Variants in NKX6-3 observed in about 807,000 individuals in gnomAD.
NKX6-3 encodes the protein NK6 homeobox 3, also known as homeobox protein Nkx-6.3.
In NKX6-3, 17 loss-of-function variants were observed where a neutral mutation model predicts 22.0. That is an observed-to-expected ratio of 0.77 (90% CI 0.53 to 1.16). The LOEUF (loss-of-function observed/expected upper bound fraction) is 1.16, where lower values mean the gene tolerates loss of function less well. Ranked by LOEUF, NKX6-3 falls within the 50% of genes most tolerant of loss-of-function variation. The pLI, the probability that NKX6-3 is intolerant of heterozygous loss-of-function variation, is 0.00. For missense variants in NKX6-3, 363 were observed against 359.0 expected (o/e 1.01, Z -0.09); for synonymous variants, 177 against 167.2 (o/e 1.06, Z -0.45).
intron 1 of NKX6-3, among the ~76,000 whole-genome samples, chr8:41,649,765 C>CCTGGGCTGCAGAAGCCAG (rs1238226803): frequency 6.6e-6 from 1 of 152,138 alleles, no homozygotes; most frequent in Non-Finnish European, 1.5e-5. Flanking sequence ...TTGCATGGGC[C>CCTGGGCTGCAGAAGCCAG]CTGGGCTGCA....
rs924431377 is a variant in NKX6-3, at chr8:41,648,333, C to G, written c.383-98G>C. On this transcript the variant is annotated intron_variant, in intron 1 of 2. Transcript: ENST00000518699. ...AACCACCATGCCTGCCCCTCTCCCT[C>G]CTGCAGAGGTTTCCAGGACACCAAG... 1.7e-5 allele frequency: 18 copies of G among 1,035,902 alleles called. 1 individual carries two copies. The highest frequency in any genetic ancestry group is 2.2e-5 in the Non-Finnish European group (16 of 726,430). 64.2% of individuals were successfully genotyped at this position (1,035,902 alleles called of 1,614,324 possible). A position where few individuals can be genotyped will look rare whatever the true frequency, so the allele number is the denominator to read the frequency against.
At position 41,650,231 on chromosome 8, in the gene NKX6-3, C is replaced by G. The variant is rs969277708; in HGVS notation, c.262G>C (p.Val88Leu). 51 of 1,533,340 alleles carry G rather than the reference C, an allele frequency of 3.3e-5. No individual in the cohort carries two copies. Among genetic ancestry groups the G allele is most frequent in the Non-Finnish European group, 6.1e-6 (7 of 1,145,676 alleles). 95.0% of individuals were successfully genotyped at this position (1,533,340 alleles called of 1,614,324 possible). ...TTCCCTACCTGGGGGCTGTAGTAGA[C>G]CCCCTGCGAGCTGAGCCCCCCAAAG... ...AGFGGLSSQG[V>L]YYSPQVGNFS... The change falls in exon 1 of 3, where the codon GTC becomes CTC. Residue 88 changes from valine (V) to leucine (L), a missense_variant. By Grantham distance (32) the Val-to-Leu change is conservative. Transcript: ENST00000518699.
At chr8:41,647,944 A>G (rs929664850) in intron 2 of NKX6-3, 122 bp downstream of exon 2, 3 of 854,574 alleles carry the variant, frequency 3.5e-6, no homozygotes, top group Non-Finnish European at 3.5e-6. Flanking sequence ...GGCAGTGCCC[A>G]GACACCAGGA....
At chr8:41,647,387 C>T (rs1242206181) in intron 2 of NKX6-3, 1 of 1,528,080 alleles carries the variant, frequency 6.5e-7, no homozygotes, top group South Asian at 1.2e-5. Context: ...ACTGAGCCAG[C>T]ATCAAAGTGG....
In NKX6-3 at chr8:41,650,408, A is replaced by C. The variant is rs1337270808; in HGVS notation, c.85T>G (p.Tyr29Asp). 1 of 1,535,590 alleles carries C rather than the reference A, an allele frequency of 6.5e-7. No individual in the cohort carries two copies. Among genetic ancestry groups the C allele is most frequent in the Non-Finnish European group, 8.7e-7 (1 of 1,146,740 alleles). The change falls in exon 1 of 3, where the codon TAC (tyrosine) becomes GAC (aspartate). Residue 29 changes from tyrosine to aspartate, a missense_variant. Tyr to Asp is a radical substitution (Grantham distance 160). Coordinates refer to ENST00000518699, the MANE Select transcript of NKX6-3 (RefSeq NM_001364841.2). ...FPEMKAPVCQ[Y>D]SVQNSFYKLS... is the part of the protein sequence containing the mutation. ...TTGTAGAAGGAGTTCTGCACAGAGT[A>C]CTGGCACACCGGGGCCTTCATCTCC...
Position 41,646,428 on chromosome 8 carries a change from C to T in NKX6-3, c.*21G>A, listed in dbSNP as rs2150518849. Reference sequence around the variant, plus strand: ...TCCCCCCGCAGGCTGCAGCCAGGATCCCGGGCCTGGACGGCGGGCGTCAGA... The same window carrying T: ...TCCCCCCGCAGGCTGCAGCCAGGATTCCGGGCCTGGACGGCGGGCGTCAGA... On this transcript the variant is annotated 3_prime_UTR_variant, in exon 3 of 3. Transcript: ENST00000518699. 6.3e-7 allele frequency: 1 copy of T among 1,576,720 alleles called. No homozygotes were observed.
Position 41,645,285 on chromosome 8 carries a change from C to G in NKX6-3, c.*1164G>C, listed in dbSNP as rs1000170234. 1 of 152,172 alleles carries G rather than the reference C, an allele frequency of 6.6e-6. No individual in the cohort carries two copies. Among genetic ancestry groups the G allele is most frequent in the East Asian group, 1.9e-4 (1 of 5,188 alleles). 9.4% of individuals were successfully genotyped at this position (152,172 alleles called of 1,614,324 possible). A position where few individuals can be genotyped will look rare whatever the true frequency, so the allele number is the denominator to read the frequency against. On this transcript the variant is annotated 3_prime_UTR_variant, in exon 3 of 3. Coordinates refer to ENST00000518699, the MANE Select transcript of NKX6-3 (RefSeq NM_001364841.2). ...CATTCCTATCTAAGACCAGCCCTCACCCGCCTCCCCCAGCCCACCCCCTAC... is the reference window on the plus strand; with the variant it reads ...CATTCCTATCTAAGACCAGCCCTCAGCCGCCTCCCCCAGCCCACCCCCTAC...
intron 2 of NKX6-3, chr8:41,647,089 G>T: frequency 7.7e-7 from 1 of 1,292,532 alleles, no homozygotes; most frequent in Non-Finnish European, 1.1e-6. Context: ...CCTACTCTGG[G>T]CTTCATAGAC....
Position 41,650,307 on chromosome 8 carries a change from G to A in NKX6-3, c.186C>T (p.Pro62=), listed in dbSNP as rs1045010056. ...PHGITDILSR[P]VAAPNNSLLS... The stretch of plus-strand genomic sequence containing the variant: ...GGAGGCTGTTGTTCGGCGCAGCCAC[G>A]GGCCTGCTCAGGATGTCCGTGATCC... Residue 62 remains proline, a synonymous_variant, in exon 1 of 3, where the codon CCC becomes CCT. Coordinates refer to ENST00000518699, the MANE Select transcript of NKX6-3 (RefSeq NM_001364841.2). 8 of 1,534,794 alleles carry A rather than the reference G, an allele frequency of 5.2e-6. No individual in the cohort carries two copies. Among genetic ancestry groups the A allele is most frequent in the Admixed American group, 2.0e-5 (1 of 50,800 alleles).
chr8:41,649,555 C>T (rs137963400), intron 1 of NKX6-3, among the ~76,000 whole-genome samples: 149 of 152,324 alleles, frequency 9.8e-4, no homozygotes, highest in African/African-American at 3.4e-3. Flanking sequence ...AGCAACTCCC[C>T]GAGACAGGCT....
At chr8:41,649,167 C>T (rs1804265631) in intron 1 of NKX6-3, among the ~76,000 whole-genome samples, 1 of 152,174 alleles carries the variant, frequency 6.6e-6, no homozygotes, top group Non-Finnish European at 1.5e-5. Flanking sequence ...CCCAGGGGCA[C>T]AGCGATGGGT....
intron 1 of NKX6-3, 21 bp from the exon 2 acceptor site, chr8:41,648,256 T>C: frequency 6.6e-7 from 1 of 1,526,320 alleles, no homozygotes; most frequent in Non-Finnish European, 8.8e-7. Flanking sequence ...GAAGGAAGTG[T>C]GGGGTTAGTA....
chr8:41,650,098 G>T lies in NKX6-3; in HGVS notation c.382+13C>A. On this transcript the variant is annotated intron_variant, in intron 1 of 2. Coordinates refer to ENST00000518699, the MANE Select transcript of NKX6-3 (RefSeq NM_001364841.2). ...CGGGTGCCGGGAGGTGGCTGGGGAGGACCCGTACTCACTGTTGCTGCACTG... is the reference window on the plus strand; with the variant it reads ...CGGGTGCCGGGAGGTGGCTGGGGAGTACCCGTACTCACTGTTGCTGCACTG... 1 of 1,527,644 alleles carries T rather than the reference G, an allele frequency of 6.5e-7. No individual in the cohort carries two copies. The highest frequency in any genetic ancestry group is 8.8e-7 in the Non-Finnish European group (1 of 1,142,648). The allele number at this position is 1,527,644 out of a possible 1,614,324, so 94.6% of individuals were successfully genotyped here.
Position 41,650,305 on chromosome 8 carries a change from A to G in NKX6-3, c.188T>C (p.Val63Ala). ...GAGGAGGCTGTTGTTCGGCGCAGCCACGGGCCTGCTCAGGATGTCCGTGAT... is the reference window on the plus strand; with the variant it reads ...GAGGAGGCTGTTGTTCGGCGCAGCCGCGGGCCTGCTCAGGATGTCCGTGAT... ...HGITDILSRP[V>A]AAPNNSLLSG... The change falls in exon 1 of 3, where the codon GTG (valine) becomes GCG (alanine). Residue 63 changes from valine (V) to alanine (A), a missense_variant. By Grantham distance (64) the Val-to-Ala change is moderately conservative (BLOSUM62 0). Coordinates refer to ENST00000518699, the MANE Select transcript of NKX6-3 (RefSeq NM_001364841.2). 1.3e-6 allele frequency: 2 copies of G among 1,534,914 alleles called. No homozygotes were observed. Among genetic ancestry groups the G allele is most frequent in the Non-Finnish European group, 1.7e-6 (2 of 1,146,304 alleles).
Position 41,647,284 on chromosome 8 carries a change from G to A in NKX6-3, c.553-590C>T, listed in dbSNP as rs557707255. 5.6e-6 allele frequency: 9 copies of A among 1,605,564 alleles called. No individual in the cohort carries two copies. The South Asian group carries it at 8.9e-5, about 16-fold the overall frequency. ...GAGCGGCTGATGAGGAGGGCGCAGCGGGTTGGAGCTCGGGGAGGCCCCAGG... is the reference window on the plus strand; with the variant it reads ...GAGCGGCTGATGAGGAGGGCGCAGCAGGTTGGAGCTCGGGGAGGCCCCAGG... On this transcript the variant is annotated intron_variant, in intron 2 of 2. Coordinates refer to ENST00000518699, the MANE Select transcript of NKX6-3 (RefSeq NM_001364841.2).
chr8:41,647,530 G>C (rs996863641), intron 2 of NKX6-3, among the ~76,000 whole-genome samples: 1 of 152,232 alleles, frequency 6.6e-6, no homozygotes, highest in African/African-American at 2.4e-5. Context: ...GGGCGACAAG[G>C]CTCCAGGCCC....
chr8:41,650,648 G>A lies in NKX6-3; in HGVS notation c.-156C>T, dbSNP rs980544867. 38 of 775,610 alleles carry A rather than the reference G, an allele frequency of 4.9e-5. No homozygotes were observed. Among genetic ancestry groups the A allele is most frequent in the Middle Eastern group, 7.7e-4 (2 of 2,584 alleles). The allele number at this position is 775,610 out of a possible 1,614,324, so 48.0% of individuals were successfully genotyped here. A position where few individuals can be genotyped will look rare whatever the true frequency, so the allele number is the denominator to read the frequency against. ...AGGCATGGGCCAGGCCCTGGCCCAG[G>A]AACCGGCACCCGATCAGCTGCTCGG... On this transcript the variant is annotated 5_prime_UTR_variant, in exon 1 of 3. Coordinates refer to ENST00000518699, the MANE Select transcript of NKX6-3 (RefSeq NM_001364841.2).
At position 41,646,386 on chromosome 8, in the gene NKX6-3, A is replaced by G; in HGVS notation, c.*63T>C. The G allele has an allele frequency of 6.5e-7, 1 of 1,531,230 alleles. No individual in the cohort carries two copies. The highest frequency in any genetic ancestry group is 8.7e-7 in the Non-Finnish European group (1 of 1,144,128). The allele number at this position is 1,531,230 out of a possible 1,614,324, so 94.9% of individuals were successfully genotyped here. A position where few individuals can be genotyped will look rare whatever the true frequency, so the allele number is the denominator to read the frequency against. On this transcript the variant is annotated 3_prime_UTR_variant, in exon 3 of 3. Transcript: ENST00000518699. ...CAGGAGCGTGGGGAAGGGGAGGGGA[A>G]GGTAGGCTCCTCGGCGTCCCCCCGC...
In NKX6-3 at chr8:41,650,666, C is replaced by T. The variant is rs1470639174; in HGVS notation, c.-174G>A. On this transcript the variant is annotated 5_prime_UTR_variant, in exon 1 of 3. Coordinates refer to ENST00000518699, the MANE Select transcript of NKX6-3 (RefSeq NM_001364841.2). Reference sequence around the variant, plus strand: ...GGCCCAGGAACCGGCACCCGATCAGCTGCTCGGAAGTCAGGTGCTCGGGGC... The same window carrying T: ...GGCCCAGGAACCGGCACCCGATCAGTTGCTCGGAAGTCAGGTGCTCGGGGC... The T allele has an allele frequency of 1.5e-6, 1 of 651,510 alleles. No individual in the cohort carries two copies. The highest frequency in any genetic ancestry group is 3.1e-5 in the Admixed American group (1 of 32,466). The allele number at this position is 651,510 out of a possible 1,614,324, so 40.4% of individuals were successfully genotyped here.
Sources: allele counts gnomAD v4.1 joint callset (sites outside exome capture counted in the v4.1 genomes callset), GRCh38; gene constraint gnomAD v4.1.1; transcripts MANE v1.5; gene names NCBI Gene and HGNC (gene_info 2026-07-23, HGNC 2026-07-21).